BCAS3: variants seen among roughly 807,000 people sequenced by gnomAD.
BCAS3 encodes BCAS3 microtubule associated cell migration factor.
BCAS3 carries 53 observed loss-of-function variants against 116.1 expected under a neutral mutation model. The observed-to-expected ratio is 0.46, with a 90% CI of 0.37 to 0.57. The LOEUF (loss-of-function observed/expected upper bound fraction) is 0.57, where lower values mean the gene tolerates loss of function less well. Among genes scored for constraint, BCAS3 ranks in the 20% least tolerant of loss-of-function variants. BCAS3 has a pLI of 0.00. For missense variants in BCAS3, 917 were observed against 1,165.4 expected (o/e 0.79, Z 3.10); for synonymous variants, 391 against 408.2 (o/e 0.96, Z 0.51).
intron 7 of BCAS3, among the ~76,000 whole-genome samples, chr17:60,817,105 A>G (rs911795323): frequency 6.6e-6 from 1 of 152,204 alleles, no homozygotes; most frequent in Non-Finnish European, 1.5e-5. Context: ...CCCCAGCCCA[A>G]AATTTAACAT....
rs375694268 is a variant in BCAS3 at position 61,391,943 on chromosome 17, C to G, written c.2594-34C>G. On this transcript the variant is annotated intron_variant, in intron 23 of 23. Transcript: ENST00000407086. This position sits in a 1 kb window ranked among gnomAD's most constrained non-coding sequence, Gnocchi z 7.7. ...GTGCCCCCACTCCCCAGACCCAACT[C>G]TAACCAGGCCTGGCCCTCTCCTGTG... 8 of 1,606,394 alleles carry G rather than the reference C, an allele frequency of 5.0e-6. No individual in the cohort carries two copies. In the African/African-American group the frequency reaches 8.0e-5, roughly 16 times the overall value.
chr17:61,244,586 C>T lies in BCAS3; in HGVS notation c.2426-123741C>T, dbSNP rs946693011. ...TTTTTAAAAATTGGATATATAGGCCCGGCGCGGTGGCTCATGCCTGTAATC... is the reference window on the plus strand; with the variant it reads ...TTTTTAAAAATTGGATATATAGGCCTGGCGCGGTGGCTCATGCCTGTAATC... On this transcript the variant is annotated intron_variant, in intron 22 of 23. Transcript: ENST00000407086. The surrounding 1 kb of genome is among the most constrained non-coding windows in gnomAD (Gnocchi z 4.9). Among the ~76,000 whole-genome samples, 10 of 152,054 alleles carry T rather than the reference C, an allele frequency of 6.6e-5. No homozygotes were observed. Among genetic ancestry groups the T allele is most frequent in the African/African-American group, 1.9e-4 (8 of 41,402 alleles).
chr17:61,232,181 G>A (rs2144441416), intron 22 of BCAS3, among the ~76,000 whole-genome samples: 1 of 143,932 alleles, frequency 6.9e-6, no homozygotes, highest in Non-Finnish European at 1.5e-5. Context: ...CTCCAGCCTG[G>A]GTGACAGTGA....
In BCAS3 at chr17:60,737,319, T is replaced by G. The variant is rs916174846; in HGVS notation, c.322-9879T>G. On this transcript the variant is annotated intron_variant, in intron 5 of 23. Coordinates refer to ENST00000407086, the MANE Select transcript of BCAS3 (RefSeq NM_017679.5). Reference sequence around the variant, plus strand: ...ATTAGCTTGGCTAGAGTCTTAATTTTATTCATCATTTCAAAGAACCAGCTT... The same window carrying G: ...ATTAGCTTGGCTAGAGTCTTAATTTGATTCATCATTTCAAAGAACCAGCTT... Among the ~76,000 whole-genome samples, 6 of 152,226 alleles carry G rather than the reference T, an allele frequency of 3.9e-5. No homozygotes were observed. In the South Asian group the frequency reaches 1.2e-3, roughly 32 times the overall value.
intron 15 of BCAS3, among the ~76,000 whole-genome samples, chr17:60,991,493 C>T (rs1180142235): frequency 1.3e-5 from 2 of 152,282 alleles, no homozygotes; most frequent in African/African-American, 4.8e-5. Context: ...ACTAGAACGA[C>T]AGAAAACGTT....
At chr17:61,024,519 A>C (rs1366351499) in intron 16 of BCAS3, among the ~76,000 whole-genome samples, 1 of 152,064 alleles carries the variant, frequency 6.6e-6, no homozygotes, top group Non-Finnish European at 1.5e-5. Flanking sequence ...GATGTTATTT[A>C]TTTAGTACAG....
chr17:60,705,512 C>CAAAAAAAAAAAAAAA (rs1033436210), intron 4 of BCAS3, among the ~76,000 whole-genome samples: 2 of 61,878 alleles, frequency 3.2e-5, no homozygotes, highest in African/African-American at 4.8e-5. Flanking sequence ...AGACTTGTCT[C>CAAAAAAAAAAAAAAA]AAAAAAAAAA....
At chr17:60,739,033 C>T (rs1188580428) in intron 5 of BCAS3, among the ~76,000 whole-genome samples, 1 of 151,960 alleles carries the variant, frequency 6.6e-6, no homozygotes, top group Non-Finnish European at 1.5e-5. Flanking sequence ...ATTTTTACTA[C>T]ATTTTAAACT....
intron 22 of BCAS3, among the ~76,000 whole-genome samples, chr17:61,169,888 A>G (rs2078731421): frequency 6.6e-6 from 1 of 152,028 alleles, no homozygotes; most frequent in Non-Finnish European, 1.5e-5. Context: ...AGAGTCTTGC[A>G]CTGTCGCCCA....
chr17:60,843,642 A>G (rs890444494), intron 7 of BCAS3, among the ~76,000 whole-genome samples: 5 of 152,172 alleles, frequency 3.3e-5, no homozygotes, highest in African/African-American at 1.2e-4. Context: ...AGTATGACAG[A>G]TTGCATTCTT....
At chr17:61,310,046 T>A (rs191341914) in intron 22 of BCAS3, among the ~76,000 whole-genome samples, 2 of 152,304 alleles carry the variant, frequency 1.3e-5, no homozygotes, top group Non-Finnish European at 2.9e-5. Context: ...GCCTTCCATA[T>A]GGGTAGTAAT....
In BCAS3 at chr17:60,891,431, G is replaced by T. The variant is rs559366038; in HGVS notation, c.738+1660G>T. On this transcript the variant is annotated intron_variant, in intron 10 of 23. Coordinates refer to ENST00000407086, the MANE Select transcript of BCAS3 (RefSeq NM_017679.5). Reference sequence around the variant, plus strand: ...TGTACAGAGACCAGACAACGTAGTGGCCTTCACAAGGAGTTTGTGAGTCAA... The same window carrying T: ...TGTACAGAGACCAGACAACGTAGTGTCCTTCACAAGGAGTTTGTGAGTCAA... 1.9e-3 allele frequency among the ~76,000 whole-genome samples: 289 copies of T among 152,260 alleles called. 2 individuals carry two copies. Among genetic ancestry groups the T allele is most frequent in the African/African-American group, 6.4e-3 (267 of 41,538 alleles).
chr17:61,218,161 C>T (rs2081912642), intron 22 of BCAS3, among the ~76,000 whole-genome samples: 1 of 152,208 alleles, frequency 6.6e-6, no homozygotes, highest in African/African-American at 2.4e-5. Context: ...CAACTTGTTC[C>T]TCCTGGAGCT....
chr17:61,345,605 G>A (rs1388754384), intron 22 of BCAS3, among the ~76,000 whole-genome samples: 2 of 152,176 alleles, frequency 1.3e-5, no homozygotes, highest in Non-Finnish European at 2.9e-5. Context: ...CAGCATGTGC[G>A]TTTTGTGTAG....
intron 4 of BCAS3, among the ~76,000 whole-genome samples, chr17:60,700,314 T>C (rs2036226169): frequency 6.6e-6 from 1 of 152,118 alleles, no homozygotes; most frequent in Middle Eastern, 3.2e-3. Flanking sequence ...GAGAACTGTT[T>C]AGGAAGACAC....
chr17:60,864,873 G>A (rs2054462365), intron 7 of BCAS3, among the ~76,000 whole-genome samples: 1 of 152,170 alleles, frequency 6.6e-6, no homozygotes, highest in Admixed American at 6.6e-5. Flanking sequence ...ATATTGCTGT[G>A]TCTCAGTGAT....
At chr17:60,684,686 G>A (rs1449918081) in intron 3 of BCAS3, among the ~76,000 whole-genome samples, 1 of 152,126 alleles carries the variant, frequency 6.6e-6, no homozygotes, top group Admixed American at 6.6e-5. Context: ...TGTAGCAATA[G>A]TAAGAATCTC....
In BCAS3 at chr17:60,714,764, T is replaced by C. The variant is rs548081884; in HGVS notation, c.321+5439T>C. Among the ~76,000 whole-genome samples the C allele has an allele frequency of 3.0e-4, 46 of 152,218 alleles. 1 individual carries two copies. In the East Asian group the frequency reaches 8.5e-3, roughly 28 times the overall value. ...TGTGTAGATGTGAATGGAACTTAGATGATGTCTAGGAATATTATTAATTAG... is the reference window on the plus strand; with the variant it reads ...TGTGTAGATGTGAATGGAACTTAGACGATGTCTAGGAATATTATTAATTAG... On this transcript the variant is annotated intron_variant, in intron 5 of 23. Coordinates refer to ENST00000407086, the MANE Select transcript of BCAS3 (RefSeq NM_017679.5).
intron 22 of BCAS3, among the ~76,000 whole-genome samples, chr17:61,250,351 T>C (rs553782021): frequency 2.7e-4 from 41 of 152,290 alleles, no homozygotes; most frequent in African/African-American, 9.4e-4. Context: ...AGTTCTGACA[T>C]GTTGTGAAAA....
Sources: gnomAD v4.1 joint callset for allele counts (sites outside exome capture counted in the v4.1 genomes callset) on GRCh38, gnomAD v4.1.1 for gene constraint, Gnocchi (gnomAD v3.1) non-coding constraint, MANE v1.5 for transcripts, NCBI Gene and HGNC (gene_info 2026-07-23, HGNC 2026-07-21) for gene names.